The following LRRC7 variants were observed in gnomAD, a reference collection of about 807,000 sequenced individuals.
The protein encoded by LRRC7 is leucine rich repeat containing 7.
Under a neutral mutation model 175.7 loss-of-function variants are expected in LRRC7, and 23 were observed. The observed-to-expected ratio is 0.13, with a 90% CI of 0.09 to 0.19. The LOEUF is 0.19. Ranked by LOEUF, LRRC7 falls within the 10% of genes least tolerant of loss-of-function variation. LRRC7 has a pLI of 1.00. For synonymous variants in LRRC7, 685 were observed against 680.9 expected, an observed-to-expected ratio of 1.01 and a Z score of -0.09; for missense variants, 1,354 against 1,904.7, an observed-to-expected ratio of 0.71 and a Z score of 5.38.
intron 1 of LRRC7, among the ~76,000 whole-genome samples, chr1:69,599,624 G>A (rs13376643): frequency 0.19 from 28,690 of 152,118 alleles, 2,992 homozygotes; most frequent in East Asian, 0.38. Flanking sequence ...AGAAGTTGAA[G>A]CTTGGGTTAT....
intron 2 of LRRC7, among the ~76,000 whole-genome samples, chr1:69,726,007 A>G (rs1666938616): frequency 6.6e-6 from 1 of 152,252 alleles, no homozygotes; most frequent in Non-Finnish European, 1.5e-5. Context: ...TTAGTTGTTT[A>G]AACTAAAGCT....
intron 22 of LRRC7, among the ~76,000 whole-genome samples, chr1:70,046,791 C>A (rs1007239858): frequency 6.6e-6 from 1 of 152,050 alleles, no homozygotes; most frequent in African/African-American, 2.4e-5. Flanking sequence ...TACCCTGATA[C>A]GTCTCTTGTA....
intron 8 of LRRC7, among the ~76,000 whole-genome samples, chr1:69,942,710 A>G (rs919463106): frequency 6.6e-6 from 1 of 152,058 alleles, no homozygotes; most frequent in African/African-American, 2.4e-5. Flanking sequence ...GACATTTGTA[A>G]TTACACTGGG....
chr1:69,724,033 C>G (rs1316747706), intron 2 of LRRC7, among the ~76,000 whole-genome samples: 2 of 152,150 alleles, frequency 1.3e-5, no homozygotes, highest in Non-Finnish European at 2.9e-5. Flanking sequence ...GTCAAGGAAG[C>G]AGTGGTTAAA....
chr1:69,711,115 T>C (rs561653087), intron 2 of LRRC7, among the ~76,000 whole-genome samples: 1 of 152,188 alleles, frequency 6.6e-6, no homozygotes, highest in East Asian at 1.9e-4. Flanking sequence ...CAAATCCTAA[T>C]GAATCTCTGA....
Position 70,008,805 on chromosome 1 carries a change from C to T in LRRC7, c.1005-2992C>T, listed in dbSNP as rs553988245. On this transcript the variant is annotated intron_variant, in intron 11 of 26. Coordinates refer to ENST00000651989, the MANE Select transcript of LRRC7 (RefSeq NM_001370785.2). The stretch of plus-strand genomic sequence containing the variant: ...AGACAGGAAGGCAACACATGTTTTG[C>T]TGTCTGTGTGTGAGCCAAATAACAG... Among the ~76,000 whole-genome samples, 3 of 152,274 alleles carry T rather than the reference C, an allele frequency of 2.0e-5. No homozygotes were observed. In the East Asian group the frequency reaches 5.8e-4, roughly 29 times the overall value.
At chr1:69,979,402 A>T (rs1015819) in intron 8 of LRRC7, among the ~76,000 whole-genome samples, 1 of 152,170 alleles carries the variant, frequency 6.6e-6, no homozygotes, top group South Asian at 2.1e-4. Context: ...TGCTGCCCGA[A>T]GTTAGAATTT....
chr1:69,963,896 C>G (rs905956568), intron 8 of LRRC7, among the ~76,000 whole-genome samples: 1 of 152,174 alleles, frequency 6.6e-6, no homozygotes, highest in Non-Finnish European at 1.5e-5. Context: ...TTTTTCTCCA[C>G]TACTCAGTAC....
At chr1:70,015,636 A>T (rs535858891) in intron 13 of LRRC7, among the ~76,000 whole-genome samples, 2 of 152,296 alleles carry the variant, frequency 1.3e-5, no homozygotes, top group African/African-American at 4.8e-5. Context: ...CATAATTTGA[A>T]GGATATCAGA....
intron 1 of LRRC7, among the ~76,000 whole-genome samples, chr1:69,601,059 G>A (rs935656609): frequency 2.0e-5 from 3 of 151,790 alleles, no homozygotes; most frequent in African/African-American, 4.8e-5. Context: ...CAGGTGATCC[G>A]CCTGCCTCAG....
At chr1:70,075,505 C>T (rs138510656) in intron 23 of LRRC7, among the ~76,000 whole-genome samples, 6 of 152,214 alleles carry the variant, frequency 3.9e-5, no homozygotes, top group East Asian at 3.9e-4. Context: ...GAGCTCATTT[C>T]GAAGACGGTT....
chr1:70,089,909 G>T, intron 25 of LRRC7, 90 bp downstream of exon 25: 1 of 988,996 alleles, frequency 1.0e-6, no homozygotes. Flanking sequence ...AAGTGTTTTT[G>T]TTGTGTTTTC....
intron 8 of LRRC7, among the ~76,000 whole-genome samples, chr1:69,976,438 T>G (rs1396375276): frequency 6.6e-6 from 1 of 152,210 alleles, no homozygotes; most frequent in Non-Finnish European, 1.5e-5. Flanking sequence ...AGGGTAGGTC[T>G]GCCCTCCCCA....
intron 10 of LRRC7, among the ~76,000 whole-genome samples, chr1:69,992,609 C>G (rs1407986155): frequency 6.6e-6 from 1 of 152,164 alleles, no homozygotes; most frequent in Non-Finnish European, 1.5e-5. Context: ...CGAAGAGTAT[C>G]CTCTTGGATG....
At chr1:69,597,358 T>C (rs1176895755) in intron 1 of LRRC7, among the ~76,000 whole-genome samples, 1 of 152,138 alleles carries the variant, frequency 6.6e-6, no homozygotes, top group Non-Finnish European at 1.5e-5. Flanking sequence ...AGAACAAGGA[T>C]ACCTGTCTGA....
intron 1 of LRRC7, among the ~76,000 whole-genome samples, chr1:69,673,991 T>A (rs1659451922): frequency 6.6e-6 from 1 of 151,954 alleles, no homozygotes; most frequent in African/African-American, 2.4e-5. Flanking sequence ...AATATCATAT[T>A]TATATATATT....
intron 7 of LRRC7, among the ~76,000 whole-genome samples, chr1:69,888,605 C>T (rs1645731333): frequency 6.6e-6 from 1 of 152,136 alleles, no homozygotes; most frequent in Non-Finnish European, 1.5e-5. Context: ...GAGCTGTATA[C>T]CGGAGCTGTT....
chr1:69,663,032 CT>C (rs905023838), intron 1 of LRRC7, among the ~76,000 whole-genome samples: 2 of 151,928 alleles, frequency 1.3e-5, no homozygotes, highest in African/African-American at 4.8e-5. Flanking sequence ...TTGCCCTGTT[CT>C]TTTTTTTCCC....
chr1:69,605,698 C>T (rs1044631018), intron 1 of LRRC7, among the ~76,000 whole-genome samples: 6 of 152,196 alleles, frequency 3.9e-5, no homozygotes, highest in Middle Eastern at 3.4e-3. Flanking sequence ...GAAAAGGAGA[C>T]ATTTCATTTG....
Sources: gnomAD v4.1 joint callset for allele counts (sites outside exome capture counted in the v4.1 genomes callset) on GRCh38, gnomAD v4.1.1 for gene constraint, MANE v1.5 for transcripts, NCBI Gene and HGNC (gene_info 2026-07-23, HGNC 2026-07-21) for gene names.